BACH2: variants seen among roughly 807,000 people sequenced by gnomAD.
The protein encoded by BACH2 is BACH transcriptional regulator 2.
Under a neutral mutation model 61.8 loss-of-function variants are expected in BACH2, and 5 were observed. The ratio of observed to expected loss-of-function variants is 0.08; its 90% CI spans 0.04 to 0.17. The LOEUF is 0.17. BACH2 is among the 10% of genes least tolerant of loss of function. BACH2 has a pLI of 1.00. For synonymous variants in BACH2, 446 were observed against 440.1 expected (o/e 1.01, Z -0.17); for missense variants, 824 against 1,091.1 (o/e 0.76, Z 3.45).
chr6:89,985,185 C>T (rs1776171242), intron 6 of BACH2, among the ~76,000 whole-genome samples: 2 of 152,200 alleles, frequency 1.3e-5, no homozygotes, highest in Non-Finnish European at 2.9e-5. Context: ...GCACTGCTAT[C>T]TTTCCTGGGG....
At chr6:90,112,399 A>G (rs1783213394) in intron 4 of BACH2, among the ~76,000 whole-genome samples, 1 of 152,156 alleles carries the variant, frequency 6.6e-6, no homozygotes, top group Non-Finnish European at 1.5e-5. Context: ...CTAACAGTGA[A>G]CCTCTAAGGC....
At chr6:89,997,367 T>A (rs934231020) in intron 6 of BACH2, among the ~76,000 whole-genome samples, 7 of 152,248 alleles carry the variant, frequency 4.6e-5, no homozygotes, top group African/African-American at 1.7e-4. Flanking sequence ...ACTTCAGTTA[T>A]CTTCCCTGAT....
rs542138180 is a variant in BACH2, at chr6:90,042,278, C to T, written c.-12-33422G>A. On this transcript the variant is annotated intron_variant, in intron 5 of 8. Coordinates refer to ENST00000257749, the MANE Select transcript of BACH2 (RefSeq NM_021813.4). ...CGCAATCATGGGTCACTGCAACCTC[C>T]GCCTTTTGGGCTCAAGCAGTTCTCC... Among the ~76,000 whole-genome samples, 13 of 152,210 alleles carry T rather than the reference C, an allele frequency of 8.5e-5. No individual in the cohort carries two copies. In the South Asian group the frequency reaches 1.0e-3, roughly 12 times the overall value.
chr6:90,088,829 C>T (rs1212218576), intron 5 of BACH2, 132 bp downstream of exon 5: 1 of 151,994 alleles, frequency 6.6e-6, no homozygotes, highest in Non-Finnish European at 1.5e-5. Flanking sequence ...AACCTTTGCT[C>T]AATGATAACT....
At chr6:90,101,751 T>C (rs1782635845) in intron 4 of BACH2, among the ~76,000 whole-genome samples, 1 of 152,206 alleles carries the variant, frequency 6.6e-6, no homozygotes, top group Non-Finnish European at 1.5e-5. Flanking sequence ...TAGGTTTGGA[T>C]AGTTTTGCCA....
At chr6:90,132,093 G>A (rs747579542) in intron 4 of BACH2, among the ~76,000 whole-genome samples, 12 of 152,198 alleles carry the variant, frequency 7.9e-5, no homozygotes, top group Admixed American at 2.6e-4. Flanking sequence ...CTGTGAATCA[G>A]GTAGCAGTAA....
At chr6:89,936,446 C>T (rs952139640) in intron 8 of BACH2, among the ~76,000 whole-genome samples, 3 of 152,174 alleles carry the variant, frequency 2.0e-5, no homozygotes, top group South Asian at 2.1e-4. Flanking sequence ...CCAGCCATGA[C>T]CTGACTCTTA....
At chr6:90,215,306 C>T (rs1769496251) in intron 3 of BACH2, among the ~76,000 whole-genome samples, 1 of 152,114 alleles carries the variant, frequency 6.6e-6, no homozygotes, top group Non-Finnish European at 1.5e-5. Flanking sequence ...TGGTCTGTGC[C>T]CCAACACACA....
chr6:90,097,368 A>C (rs1319777086), intron 4 of BACH2, among the ~76,000 whole-genome samples: 1 of 152,158 alleles, frequency 6.6e-6, no homozygotes, highest in African/African-American at 2.4e-5. Context: ...ACTGTTGAAA[A>C]ACCAACATGT....
chr6:90,293,744 TCCTA>T (rs2064349724), intron 1 of BACH2, among the ~76,000 whole-genome samples: 1 of 152,222 alleles, frequency 6.6e-6, no homozygotes. Context: ...TGGAAACATT[TCCTA>T]CCATCACTGC....
intron 4 of BACH2, among the ~76,000 whole-genome samples, chr6:90,189,115 A>T (rs1431554226): frequency 2.0e-5 from 3 of 152,250 alleles, no homozygotes; most frequent in African/African-American, 7.2e-5. Flanking sequence ...TTGGTCTAAA[A>T]GCAACTTCTT....
chr6:90,198,627 C>A (rs1037998114), intron 4 of BACH2, among the ~76,000 whole-genome samples: 1 of 152,198 alleles, frequency 6.6e-6, no homozygotes, highest in East Asian at 1.9e-4. Context: ...CCCTTTCACT[C>A]AAGACAAGGC....
chr6:90,281,398 T>C (rs1771854792), intron 1 of BACH2, among the ~76,000 whole-genome samples: 1 of 152,208 alleles, frequency 6.6e-6, no homozygotes, highest in East Asian at 1.9e-4. Flanking sequence ...ATAGACAGTT[T>C]TTAAAAACAA....
At chr6:89,940,311 G>T (rs535371207) in intron 7 of BACH2, among the ~76,000 whole-genome samples, 2 of 152,282 alleles carry the variant, frequency 1.3e-5, no homozygotes, top group Admixed American at 1.3e-4. Context: ...TGCCTGGCCT[G>T]AAATATTTCT....
rs74929128 is a variant in BACH2 at position 90,255,302 on chromosome 6, T to G, written c.-352-2712A>C. On this transcript the variant is annotated intron_variant, in intron 2 of 8. Coordinates refer to ENST00000257749, the MANE Select transcript of BACH2 (RefSeq NM_021813.4). ...TCACTCAACAATTGTTTACTAAAAA[T>G]GTACTGTGTGTAAGACATTGTGCTA... Among the ~76,000 whole-genome samples, 1,413 of 152,338 alleles carry G rather than the reference T, an allele frequency of 9.3e-3. 20 individuals are homozygous for G. Among genetic ancestry groups the G allele is most frequent in the African/African-American group, 0.032 (1,319 of 41,576 alleles).
chr6:90,034,414 A>C (rs926596266), intron 5 of BACH2, among the ~76,000 whole-genome samples: 1 of 152,152 alleles, frequency 6.6e-6, no homozygotes, highest in African/African-American at 2.4e-5. Flanking sequence ...TACTTAATGA[A>C]CTCAGCACAC....
At chr6:90,291,898 C>T (rs1204094270) in intron 1 of BACH2, among the ~76,000 whole-genome samples, 1 of 152,196 alleles carries the variant, frequency 6.6e-6, no homozygotes, top group Non-Finnish European at 1.5e-5. Context: ...CCAGCATTGA[C>T]TTCTGAACTG....
chr6:90,107,672 T>A lies in BACH2; in HGVS notation c.-161-18563A>T, dbSNP rs866638356. 9.7e-3 allele frequency among the ~76,000 whole-genome samples: 1,482 copies of A among 152,034 alleles called. 16 individuals are homozygous for A. Among genetic ancestry groups the A allele is most frequent in the African/African-American group, 0.034 (1,415 of 41,454 alleles). On this transcript the variant is annotated intron_variant, in intron 4 of 8. Coordinates refer to ENST00000257749, the MANE Select transcript of BACH2 (RefSeq NM_021813.4). ...ACATTCTCTATTTGTGATTTTTTTT[T>A]TTTTTTTTTTAGTGGGGGTGTGGGA... is the stretch of plus-strand genomic sequence containing the variant.
intron 4 of BACH2, among the ~76,000 whole-genome samples, chr6:90,140,184 G>A (rs1260815510): frequency 6.6e-6 from 1 of 152,174 alleles, no homozygotes; most frequent in African/African-American, 2.4e-5. Flanking sequence ...GAACTCTGAC[G>A]CACACTTCTT....
Sources: allele counts gnomAD v4.1 joint callset (sites outside exome capture counted in the v4.1 genomes callset), GRCh38; gene constraint gnomAD v4.1.1; transcripts MANE v1.5; gene names NCBI Gene and HGNC (gene_info 2026-07-23, HGNC 2026-07-21).